Variants in GALNT18 observed in about 807,000 individuals in gnomAD.
GALNT18 encodes the protein GalNAc-transferase 18.
A neutral mutation model predicts 69.5 loss-of-function variants in GALNT18; 44 were observed. The ratio of observed to expected loss-of-function variants is 0.63; its 90% CI spans 0.50 to 0.81. The LOEUF (loss-of-function observed/expected upper bound fraction) is 0.81, where lower values mean the gene tolerates loss of function less well. Among genes scored for constraint, GALNT18 ranks in the 40% least tolerant of loss-of-function variants. The probability of loss-of-function intolerance (pLI) is 0.00; values close to 1 mark genes in which losing one functional copy is unlikely to be tolerated. For synonymous variants in GALNT18, 364 were observed against 318.2 expected (o/e 1.14, Z -1.53); for missense variants, 715 against 810.0 (o/e 0.88, Z 1.42).
intron 3 of GALNT18, among the ~76,000 whole-genome samples, chr11:11,426,119 T>C (rs1169809413): frequency 6.6e-6 from 1 of 152,190 alleles, no homozygotes; most frequent in South Asian, 2.1e-4. Context: ...CTGTCAGGAA[T>C]GCTTGCAGAG....
At chr11:11,311,810 A>G (rs1269405515) in intron 9 of GALNT18, among the ~76,000 whole-genome samples, 1 of 152,166 alleles carries the variant, frequency 6.6e-6, no homozygotes, top group Non-Finnish European at 1.5e-5. Context: ...AATAACAACT[A>G]ATACTAATAT....
chr11:11,361,180 A>G (rs1332580694), intron 6 of GALNT18, among the ~76,000 whole-genome samples: 1 of 152,230 alleles, frequency 6.6e-6, no homozygotes, highest in Non-Finnish European at 1.5e-5. Flanking sequence ...ATAAATAATG[A>G]ACCCACCTGG....
intron 2 of GALNT18, among the ~76,000 whole-genome samples, chr11:11,433,692 C>T (rs567927858): frequency 4.6e-5 from 7 of 152,194 alleles, no homozygotes; most frequent in East Asian, 3.8e-4. Context: ...TGAAAAGTGC[C>T]GTGTCTCCTG....
rs1859253880 is a variant in GALNT18 at position 11,587,444 on chromosome 11, C to A, written c.235+33915G>T. On this transcript the variant is annotated intron_variant, in intron 1 of 10. Coordinates refer to ENST00000227756, the MANE Select transcript of GALNT18 (RefSeq NM_198516.3). This position sits in a 1 kb window ranked among gnomAD's most constrained non-coding sequence, Gnocchi z 4.4. ...ACACCAAATCAGTGAAGACTGCATC[C>A]CAGCTTTTCTGCAGGTTGCTAATGA... 1.3e-5 allele frequency among the ~76,000 whole-genome samples: 2 copies of A among 152,278 alleles called. No individual in the cohort carries two copies. The highest frequency in any genetic ancestry group is 4.1e-4 in the South Asian group (2 of 4,820).
At position 11,403,868 on chromosome 11, in the gene GALNT18, G is replaced by T. The variant is rs1589973424; in HGVS notation, c.596-24604C>A. On this transcript the variant is annotated intron_variant, in intron 3 of 10. Transcript: ENST00000227756. Reference sequence around the variant, plus strand: ...TGATGCTGCAGAAGAGGGTGAGGTTGCTCCTTGTCCTTCAGTTTAATTGCT... The same window carrying T: ...TGATGCTGCAGAAGAGGGTGAGGTTTCTCCTTGTCCTTCAGTTTAATTGCT... Among the ~76,000 whole-genome samples, 4 of 152,354 alleles carry T rather than the reference G, an allele frequency of 2.6e-5. No individual in the cohort carries two copies. In the South Asian group the frequency reaches 8.3e-4, roughly 32 times the overall value.
At chr11:11,278,330 C>T (rs12285594) in intron 10 of GALNT18, among the ~76,000 whole-genome samples, 8,133 of 133,200 alleles carry the variant, frequency 0.061, 291 homozygotes, top group Middle Eastern at 0.18. Context: ...CACATGGACA[C>T]GGCAGGGAAG....
rs138550921 is a variant in GALNT18, at chr11:11,332,844, G to A, written c.1279-13C>T. On this transcript the variant is annotated splice_polypyrimidine_tract_variant and intron_variant, in intron 7 of 10. Coordinates refer to ENST00000227756, the MANE Select transcript of GALNT18 (RefSeq NM_198516.3). This position sits in a 1 kb window ranked among gnomAD's most constrained non-coding sequence, Gnocchi z 4.3. ...CAATTCCTGAGTCCTGCACAGGGACGCAGAAGCAGAGATGAAGCCACTCCC... is the reference window on the plus strand; with the variant it reads ...CAATTCCTGAGTCCTGCACAGGGACACAGAAGCAGAGATGAAGCCACTCCC... 3.4e-4 allele frequency: 554 copies of A among 1,611,628 alleles called. No homozygotes were observed. The highest frequency in any genetic ancestry group is 4.3e-4 in the Non-Finnish European group (506 of 1,179,794).
At chr11:11,552,661 G>C (rs1474473781) in intron 1 of GALNT18, among the ~76,000 whole-genome samples, 5 of 152,056 alleles carry the variant, frequency 3.3e-5, no homozygotes, top group Non-Finnish European at 7.4e-5. Context: ...CAACAGCAGG[G>C]GCATACTGTG....
intron 9 of GALNT18, among the ~76,000 whole-genome samples, chr11:11,321,672 A>G (rs373305854): frequency 1.3e-5 from 2 of 152,318 alleles, no homozygotes; most frequent in South Asian, 2.1e-4. Flanking sequence ...GCGCAGTCTC[A>G]GCTCACTGCA....
chr11:11,599,487 C>T (rs1020130339), intron 1 of GALNT18, among the ~76,000 whole-genome samples: 2 of 151,894 alleles, frequency 1.3e-5, no homozygotes, highest in Admixed American at 1.3e-4. Context: ...TTATTTATAT[C>T]TTTGAATCAA....
Position 11,302,309 on chromosome 11 carries a change from T to A in GALNT18, c.1513-9116A>T, listed in dbSNP as rs962460776. 2.3e-4 allele frequency among the ~76,000 whole-genome samples: 35 copies of A among 152,148 alleles called. 1 individual carries two copies. ...GGTTGAGTACAAGACAAAGAATGGG[T>A]GCCCCATTTTACTGGGATTGCTGGT... is the stretch of plus-strand genomic sequence containing the variant. On this transcript the variant is annotated intron_variant, in intron 9 of 10. Transcript: ENST00000227756.
intron 1 of GALNT18, among the ~76,000 whole-genome samples, chr11:11,566,628 G>A (rs1312648121): frequency 6.6e-6 from 1 of 152,186 alleles, no homozygotes; most frequent in Admixed American, 6.5e-5. Flanking sequence ...TAGAAAGAAA[G>A]ATAAGAGAAA....
At chr11:11,531,623 C>T (rs1156841605) in intron 1 of GALNT18, among the ~76,000 whole-genome samples, 1 of 152,152 alleles carries the variant, frequency 6.6e-6, no homozygotes, top group Non-Finnish European at 1.5e-5. Flanking sequence ...TCCTGCAGTG[C>T]TTTGGGCCCA....
chr11:11,406,824 T>C (rs1854597379), intron 3 of GALNT18, among the ~76,000 whole-genome samples: 1 of 152,240 alleles, frequency 6.6e-6, no homozygotes, highest in South Asian at 2.1e-4. Context: ...TCCAGGGTCA[T>C]GTCCTTGGCC....
At chr11:11,408,688 T>C (rs1026180727) in intron 3 of GALNT18, among the ~76,000 whole-genome samples, 2 of 152,204 alleles carry the variant, frequency 1.3e-5, no homozygotes, top group African/African-American at 4.8e-5. Flanking sequence ...AGGGAAGGTC[T>C]ATTTTTGCTA....
rs569887642 is a variant in GALNT18, at chr11:11,535,221, T to C, written c.235+86138A>G. Among the ~76,000 whole-genome samples the C allele has an allele frequency of 4.6e-5, 7 of 152,240 alleles. No homozygotes were observed. In the South Asian group the frequency reaches 1.2e-3, roughly 27 times the overall value. On this transcript the variant is annotated intron_variant, in intron 1 of 10. Coordinates refer to ENST00000227756, the MANE Select transcript of GALNT18 (RefSeq NM_198516.3). ...GAGGCAGACCCTGGCCCCCGGCCAG[T>C]TGGAGACCAGGGCACTCTGGTACCA... is the stretch of plus-strand genomic sequence containing the variant.
chr11:11,321,341 G>T (rs1849835456), intron 9 of GALNT18, among the ~76,000 whole-genome samples: 1 of 152,184 alleles, frequency 6.6e-6, no homozygotes, highest in African/African-American at 2.4e-5. Context: ...TGATGGGTTT[G>T]AACTTAATGG....
Position 11,537,919 on chromosome 11 carries a change from C to T in GALNT18, c.235+83440G>A, listed in dbSNP as rs1373029886. 2.0e-5 allele frequency among the ~76,000 whole-genome samples: 3 copies of T among 152,066 alleles called. No individual in the cohort carries two copies. In the East Asian group the frequency reaches 5.8e-4, roughly 29 times the overall value. ...ATCCTTGGGAAATATGACCTGGCCT[C>T]CGAATAAAGGATGAGTTACAGCCCA... On this transcript the variant is annotated intron_variant, in intron 1 of 10. Transcript: ENST00000227756.
intron 1 of GALNT18, among the ~76,000 whole-genome samples, chr11:11,503,513 C>T (rs1286883569): frequency 6.6e-6 from 1 of 152,182 alleles, no homozygotes; most frequent in Non-Finnish European, 1.5e-5. Flanking sequence ...GGTGTTCATC[C>T]ATCCCATCAT....
Sources: gnomAD v4.1 joint callset for allele counts (sites outside exome capture counted in the v4.1 genomes callset) on GRCh38, gnomAD v4.1.1 for gene constraint, Gnocchi (gnomAD v3.1) non-coding constraint, MANE v1.5 for transcripts, NCBI Gene and HGNC (gene_info 2026-07-23, HGNC 2026-07-21) for gene names.